Variants in DCDC2B observed in about 807,000 individuals in gnomAD.
The protein encoded by DCDC2B is doublecortin domain-containing protein 2B.
Under a neutral mutation model 38.9 loss-of-function variants are expected in DCDC2B, and 41 were observed. The observed-to-expected ratio is 1.05, with a 90% CI of 0.82 to 1.37. The LOEUF is 1.37. DCDC2B is among the 40% of genes most tolerant of loss of function. The pLI is 0.00. For synonymous variants in DCDC2B, 181 were observed against 171.9 expected (o/e 1.05, Z -0.41); for missense variants, 453 against 427.2 (o/e 1.06, Z -0.53).
At chr1:32,213,936 G>A (rs1233581023) in intron 6 of DCDC2B, among the ~76,000 whole-genome samples, 1 of 151,996 alleles carries the variant, frequency 6.6e-6, no homozygotes, top group Admixed American at 6.6e-5. Flanking sequence ...ACAGTCGTGA[G>A]CCACCTCGCC....
chr1:32,215,257 G>A (rs1180939655), intron 7 of DCDC2B, 183 bp from the exon 8 acceptor site: 2 of 609,854 alleles, frequency 3.3e-6, no homozygotes, highest in East Asian at 2.9e-5. Flanking sequence ...CTTCAGGGGT[G>A]GGATATAGAG....
rs781755862 is a variant in DCDC2B at position 32,215,563 on chromosome 1, A to T, written c.954+20A>T. ...GATCAGGTAAGCTGTTGGATCAGGA[A>T]ACAGTATGTTGGGGTGGGAGGAGCT... On this transcript the variant is annotated intron_variant, in intron 8 of 8. Coordinates refer to ENST00000409358, the MANE Select transcript of DCDC2B (RefSeq NM_001099434.2). 1 of 1,609,240 alleles carries T rather than the reference A, an allele frequency of 6.2e-7. No individual in the cohort carries two copies. The highest frequency in any genetic ancestry group is 1.1e-5 in the South Asian group (1 of 90,652).
chr1:32,211,951 A>G (rs1643602911), intron 3 of DCDC2B, 114 bp downstream of exon 3: 1 of 1,535,618 alleles, frequency 6.5e-7, no homozygotes, highest in African/African-American at 1.4e-5. Context: ...GTAGAAGTCC[A>G]GCATGCTTGA....
chr1:32,212,881 C>A, intron 6 of DCDC2B, 88 bp downstream of exon 6: 1 of 1,424,424 alleles, frequency 7.0e-7, no homozygotes, highest in Non-Finnish European at 9.7e-7. Flanking sequence ...CCTTATTTCA[C>A]TGCATCCTCT....
chr1:32,213,503 ATTTTTTT>A (rs4012160), intron 6 of DCDC2B, among the ~76,000 whole-genome samples: 12 of 116,578 alleles, frequency 1.0e-4, no homozygotes, highest in South Asian at 5.2e-4. Flanking sequence ...CACCCGGCTA[ATTTTTTT>A]TTTTTTTTTT....
intron 2 of DCDC2B, 59 bp downstream of exon 2, chr1:32,211,382 C>G: frequency 6.3e-7 from 1 of 1,586,056 alleles, no homozygotes; most frequent in Non-Finnish European, 8.6e-7. Flanking sequence ...CCTGGAACTG[C>G]CCCCAATTTG....
At chr1:32,210,619 C>T (rs1643546392) in intron 1 of DCDC2B, among the ~76,000 whole-genome samples, 1 of 152,106 alleles carries the variant, frequency 6.6e-6, no homozygotes, top group South Asian at 2.1e-4. Context: ...CTTGGAATCT[C>T]ATACAAAATG....
chr1:32,211,021 C>CT (rs1393302633), intron 1 of DCDC2B, among the ~76,000 whole-genome samples: 4 of 152,200 alleles, frequency 2.6e-5, no homozygotes, highest in Non-Finnish European at 5.9e-5. Flanking sequence ...GACCTTTAAT[C>CT]TCATGGTTAG....
chr1:32,215,429 C>A lies in DCDC2B; in HGVS notation c.851-11C>A. 1.9e-6 allele frequency: 3 copies of A among 1,605,860 alleles called. No homozygotes were observed. Among genetic ancestry groups the A allele is most frequent in the Non-Finnish European group, 2.6e-6 (3 of 1,176,252 alleles). ...GCCTGGGCATCACCCAGTGCTGCCT[C>A]CCCTCTTTAGGAGTTATAGGAGTAT... On this transcript the variant is annotated splice_polypyrimidine_tract_variant and intron_variant, in intron 7 of 8. Transcript: ENST00000409358.
intron 3 of DCDC2B, 98 bp from the exon 4 acceptor site, chr1:32,211,972 G>A (rs370437600): frequency 6.5e-7 from 1 of 1,544,402 alleles, no homozygotes; most frequent in African/African-American, 1.4e-5. Flanking sequence ...TGGGTGAAGA[G>A]AGACCAGTGT....
intron 8 of DCDC2B, 29 bp downstream of exon 8, chr1:32,215,572 T>A (rs752233679): frequency 6.2e-7 from 1 of 1,603,276 alleles, no homozygotes. Flanking sequence ...AAACAGTATG[T>A]TGGGGTGGGA....
At chr1:32,212,445 G>C (rs376974269) in intron 4 of DCDC2B, 45 bp from the exon 5 acceptor site, 1 of 1,605,154 alleles carries the variant, frequency 6.2e-7, no homozygotes, top group Non-Finnish European at 8.5e-7. Flanking sequence ...ATGTGAAGAA[G>C]CATCGAGTCT....
chr1:32,212,601 G>A lies in DCDC2B; in HGVS notation c.639G>A (p.Leu213=). The change falls in exon 5 of 9, where the codon CTG becomes CTA. Residue 213 remains leucine (L), a synonymous_variant. Transcript: ENST00000409358. ...TCAAGGACCTTCCCTATCTGGAGCT[G>A]CTGGTGCCCAGCCCCTCCCTGCCCA... ...DEFKDLPYLE[L]LVPSPSLPRG... is the part of the protein sequence containing the mutation. The A allele has an allele frequency of 6.2e-7, 1 of 1,614,030 alleles. No individual in the cohort carries two copies. The highest frequency in any genetic ancestry group is 8.5e-7 in the Non-Finnish European group (1 of 1,179,898).
At position 32,215,919 on chromosome 1, in the gene DCDC2B, AACTGGGGACCACT is replaced by A. The variant is rs1400602895; in HGVS notation, c.*26_*38del. Reference sequence around the variant, plus strand: ...TTGAGAGCCAGCAGCTCCAGAGGGCAACTGGGGACCACTACTCTGGCCACCTTTTGTCCTTAGC... The same window carrying A: ...TTGAGAGCCAGCAGCTCCAGAGGGCAACTCTGGCCACCTTTTGTCCTTAGC... On this transcript the variant is annotated 3_prime_UTR_variant, in exon 9 of 9. Transcript: ENST00000409358. 2.0e-6 allele frequency: 3 copies of A among 1,536,340 alleles called. No individual in the cohort carries two copies. The African/African-American group carries it at 4.1e-5, about 21-fold the overall frequency.
In DCDC2B at chr1:32,212,584, C is replaced by A; in HGVS notation, c.622C>A (p.Leu208Ile). 1 of 1,614,056 alleles carries A rather than the reference C, an allele frequency of 6.2e-7. No homozygotes were observed. The highest frequency in any genetic ancestry group is 8.5e-7 in the Non-Finnish European group (1 of 1,179,904). Residue 208 changes from leucine to isoleucine, a missense_variant, in exon 5 of 9, where the codon CTT becomes ATT. By Grantham distance (5) the Leu-to-Ile change is conservative. Transcript: ENST00000409358. ...VAVGEDEFKD[L>I]PYLELLVPSP... ...TGTCGGAGAGGATGAGTTCAAGGAC[C>A]TTCCCTATCTGGAGCTGCTGGTGCC...
rs1035854627 is a variant in DCDC2B at position 32,213,014 on chromosome 1, A to T, written c.714+221A>T. Among the ~76,000 whole-genome samples, 3 of 152,034 alleles carry T rather than the reference A, an allele frequency of 2.0e-5. No homozygotes were observed. The East Asian group carries it at 5.9e-4, about 30-fold the overall frequency. On this transcript the variant is annotated intron_variant, in intron 6 of 8. Coordinates refer to ENST00000409358, the MANE Select transcript of DCDC2B (RefSeq NM_001099434.2). ...CCGGTTCAAGCAATTCTCCTGCCTC[A>T]GCCTCCTGAGTAGCTGGGATTATGG...
chr1:32,210,921 G>A (rs140863802), intron 1 of DCDC2B, among the ~76,000 whole-genome samples: 1 of 152,198 alleles, frequency 6.6e-6, no homozygotes, highest in African/African-American at 2.4e-5. Flanking sequence ...GCCCAGGCTG[G>A]TCTCAAACTC....
At chr1:32,213,460 C>T (rs1027423020) in intron 6 of DCDC2B, among the ~76,000 whole-genome samples, 2 of 151,992 alleles carry the variant, frequency 1.3e-5, no homozygotes, top group African/African-American at 4.8e-5. Context: ...CCTCAGCCTC[C>T]CGAGTAGCTG....
At chr1:32,215,362 G>C in intron 7 of DCDC2B, 78 bp from the exon 8 acceptor site, 1 of 1,226,540 alleles carries the variant, frequency 8.2e-7, no homozygotes, top group Non-Finnish European at 1.1e-6. Flanking sequence ...AGGGAAAGGG[G>C]CTAGCATGAA....
Sources: allele counts gnomAD v4.1 joint callset (sites outside exome capture counted in the v4.1 genomes callset), GRCh38; gene constraint gnomAD v4.1.1; transcripts MANE v1.5; gene names NCBI Gene and HGNC (gene_info 2026-07-23, HGNC 2026-07-21).